The following LRRK1 variants were observed in gnomAD, a reference collection of about 807,000 sequenced individuals.
The protein encoded by LRRK1 is leucine-rich repeat serine/threonine-protein kinase 1.
In LRRK1, 113 loss-of-function variants were observed where a neutral mutation model predicts 209.1. The ratio of observed to expected loss-of-function variants is 0.54; its 90% CI spans 0.46 to 0.63. The LOEUF is 0.63. LRRK1 is among the 30% of genes least tolerant of loss of function. The pLI, the probability that LRRK1 is intolerant of heterozygous loss-of-function variation, is 0.00. For synonymous variants in LRRK1, 1,144 were observed against 1,099.7 expected (o/e 1.04, Z -0.80); for missense variants, 2,284 against 2,632.2 (o/e 0.87, Z 2.89).
chr15:101,065,269 A>AGAT lies in LRRK1; in HGVS notation c.4915-80_4915-78dup, dbSNP rs1281382772. On this transcript the variant is annotated intron_variant, in intron 31 of 33. Coordinates refer to ENST00000388948, the MANE Select transcript of LRRK1 (RefSeq NM_024652.6). ...GTGACTGCCCGCCTGGTGTGGGTGCAGATGAGTCCAGTGCCTACTCTGTGT... is the reference window on the plus strand; with the variant it reads ...GTGACTGCCCGCCTGGTGTGGGTGCAGATGATGAGTCCAGTGCCTACTCTGTGT... 4.6e-6 allele frequency: 7 copies of AGAT among 1,515,278 alleles called. No individual in the cohort carries two copies. In the East Asian group the frequency reaches 1.6e-4, roughly 34 times the overall value. The allele number at this position is 1,515,278 out of a possible 1,614,324, so 93.9% of individuals were successfully genotyped here.
intron 2 of LRRK1, among the ~76,000 whole-genome samples, chr15:100,938,185 A>T (rs2042337492): frequency 6.6e-6 from 1 of 152,030 alleles, no homozygotes; most frequent in Non-Finnish European, 1.5e-5. Flanking sequence ...TATTACAGAA[A>T]CTTTTGAACA....
At chr15:100,975,681 G>A (rs200655797) in intron 3 of LRRK1, among the ~76,000 whole-genome samples, 2 of 152,114 alleles carry the variant, frequency 1.3e-5, no homozygotes, top group Admixed American at 6.5e-5. Flanking sequence ...AAGAGTCAAC[G>A]GTTGATGCAA....
chr15:100,928,643 CA>C (rs1450479116), intron 2 of LRRK1, among the ~76,000 whole-genome samples: 1 of 152,202 alleles, frequency 6.6e-6, no homozygotes, highest in Non-Finnish European at 1.5e-5. Context: ...AAAAGACCCA[CA>C]CTTTAAAAAA....
At position 101,014,420 on chromosome 15, in the gene LRRK1, A is replaced by G; in HGVS notation, c.1524A>G (p.Gln508=). 1.9e-6 allele frequency: 3 copies of G among 1,612,260 alleles called. No homozygotes were observed. Among genetic ancestry groups the G allele is most frequent in the Non-Finnish European group, 2.5e-6 (3 of 1,178,428 alleles). Residue 508 remains glutamine, a synonymous_variant, in exon 11 of 34, where the codon CAA becomes CAG. Transcript: ENST00000388948. ...AAACCCTGGATCTCTCCAGAAACCAACTTGGCAAGTAAGCAGGGGCCTCTC... is the reference window on the plus strand; with the variant it reads ...AAACCCTGGATCTCTCCAGAAACCAGCTTGGCAAGTAAGCAGGGGCCTCTC... The part of the protein sequence containing the change: ...QLKTLDLSRN[Q]LGKNEDGLKT...
intron 6 of LRRK1, among the ~76,000 whole-genome samples, chr15:100,992,089 G>A (rs2032179170): frequency 6.6e-6 from 1 of 151,838 alleles, no homozygotes; most frequent in South Asian, 2.1e-4. Flanking sequence ...TTTATTTACA[G>A]TTTCTGCATC....
chr15:100,924,253 T>G (rs1171592696), intron 1 of LRRK1, among the ~76,000 whole-genome samples: 1 of 152,214 alleles, frequency 6.6e-6, no homozygotes, highest in Non-Finnish European at 1.5e-5. Context: ...TGATTGAAGC[T>G]GTTACCAGTA....
chr15:101,045,161 A>G (rs916694457), intron 20 of LRRK1, among the ~76,000 whole-genome samples: 4 of 152,192 alleles, frequency 2.6e-5, no homozygotes, highest in African/African-American at 9.7e-5. Flanking sequence ...ATTTTCTTAC[A>G]GTTTAGGGAG....
At chr15:100,987,183 G>A (rs947120320) in intron 4 of LRRK1, among the ~76,000 whole-genome samples, 1 of 152,146 alleles carries the variant, frequency 6.6e-6, no homozygotes, top group Non-Finnish European at 1.5e-5. Context: ...TATGCTACAT[G>A]CTTTATTTGG....
At chr15:101,035,121 T>C (rs1381137625) in intron 20 of LRRK1, among the ~76,000 whole-genome samples, 1 of 152,094 alleles carries the variant, frequency 6.6e-6, no homozygotes, top group African/African-American at 2.4e-5. Flanking sequence ...ATTTATTATG[T>C]GGTTTCTTTC....
intron 5 of LRRK1, 83 bp downstream of exon 5, chr15:100,988,896 A>G: frequency 8.5e-7 from 1 of 1,181,412 alleles, no homozygotes; most frequent in Admixed American, 2.6e-5. Context: ...CTTTATTCTC[A>G]CTCTTGGCTC....
chr15:100,965,226 T>C (rs1424981899), intron 2 of LRRK1, among the ~76,000 whole-genome samples: 1 of 152,240 alleles, frequency 6.6e-6, no homozygotes, highest in Non-Finnish European at 1.5e-5. Flanking sequence ...TTCTGAAACA[T>C]GAGTTATGGA....
intron 2 of LRRK1, among the ~76,000 whole-genome samples, chr15:100,928,472 G>A (rs1567183359): frequency 6.6e-6 from 1 of 152,152 alleles, no homozygotes; most frequent in Non-Finnish European, 1.5e-5. Flanking sequence ...CACTGTTCAG[G>A]CCTAATTTCC....
At chr15:100,973,234 C>T (rs572842512) in intron 2 of LRRK1, among the ~76,000 whole-genome samples, 1 of 152,220 alleles carries the variant, frequency 6.6e-6, no homozygotes, top group Non-Finnish European at 1.5e-5. Context: ...GCAGCCCACG[C>T]TCTGGTGAAG....
chr15:101,049,731 C>T lies in LRRK1; in HGVS notation c.3387C>T (p.Ala1129=), dbSNP rs1385299824. 2 of 1,614,050 alleles carry T rather than the reference C, an allele frequency of 1.2e-6. No homozygotes were observed. The highest frequency in any genetic ancestry group is 1.7e-5 in the Admixed American group (1 of 59,998). ...AATCAGAAGTGAGGGACTTCTCAGC[C>T]ATGGCTTTCATCACGGACCACGTCA... ...VCQSEVRDFS[A]MAFITDHVNS... The change falls in exon 23 of 34, where the codon GCC becomes GCT. Residue 1129 remains alanine (A), a synonymous_variant. Coordinates refer to ENST00000388948, the MANE Select transcript of LRRK1 (RefSeq NM_024652.6).
rs372431301 is a variant in LRRK1, at chr15:101,010,296, A to C, written c.990-154A>C. Among the ~76,000 whole-genome samples, 287 of 152,364 alleles carry C rather than the reference A, an allele frequency of 1.9e-3. 2 individuals are homozygous for C. Among genetic ancestry groups the C allele is most frequent in the African/African-American group, 6.2e-3 (256 of 41,582 alleles). On this transcript the variant is annotated intron_variant, in intron 7 of 33. Transcript: ENST00000388948. ...ACAGTAAGAGTTCTTCAAAAGAATT[A>C]AAAATCATATGCACTACATTTTCAA...
chr15:100,948,076 A>C (rs928913758), intron 2 of LRRK1, among the ~76,000 whole-genome samples: 1 of 152,236 alleles, frequency 6.6e-6, no homozygotes, highest in Non-Finnish European at 1.5e-5. Context: ...AGCTCTTCCC[A>C]AAAAGCTCAC....
intron 2 of LRRK1, among the ~76,000 whole-genome samples, chr15:100,946,930 G>A (rs879632253): frequency 2.6e-5 from 4 of 152,112 alleles, no homozygotes; most frequent in Non-Finnish European, 5.9e-5. Context: ...TTTGCAAAGA[G>A]CATTAACAAA....
intron 2 of LRRK1, among the ~76,000 whole-genome samples, chr15:100,942,931 C>A (rs947033207): frequency 6.6e-6 from 1 of 152,184 alleles, no homozygotes; most frequent in Non-Finnish European, 1.5e-5. Flanking sequence ...CAGGGTTCTC[C>A]ATCCGCCAGT....
Position 101,072,739 on chromosome 15 carries a change from C to T in LRRK1, c.*3891C>T, listed in dbSNP as rs959044199. 6.6e-6 allele frequency: 1 copy of T among 152,316 alleles called. No individual in the cohort carries two copies. Among genetic ancestry groups the T allele is most frequent in the African/African-American group, 2.4e-5 (1 of 41,420 alleles). 9.4% of individuals were successfully genotyped at this position (152,316 alleles called of 1,614,324 possible). ...CCCCCACTGAGCACGTTGCCACCCC[C>T]ACTCCTGCCCGCCAGAGAACAAACC... is the stretch of plus-strand genomic sequence containing the variant. On this transcript the variant is annotated 3_prime_UTR_variant, in exon 34 of 34. Coordinates refer to ENST00000388948, the MANE Select transcript of LRRK1 (RefSeq NM_024652.6).
Sources: allele counts gnomAD v4.1 joint callset (sites outside exome capture counted in the v4.1 genomes callset), GRCh38; gene constraint gnomAD v4.1.1; transcripts MANE v1.5; gene names NCBI Gene and HGNC (gene_info 2026-07-23, HGNC 2026-07-21).